The following MRPS10 variants were observed in gnomAD, a reference collection of about 807,000 sequenced individuals.
The protein encoded by MRPS10 is small ribosomal subunit protein uS10m.
A neutral mutation model predicts 27.5 loss-of-function variants in MRPS10; 23 were observed. That is an observed-to-expected ratio of 0.84 (90% confidence interval 0.60 to 1.18). The LOEUF (loss-of-function observed/expected upper bound fraction) is 1.18, where lower values mean the gene tolerates loss of function less well. Ranked by LOEUF, MRPS10 falls within the 50% of genes most tolerant of loss-of-function variation. MRPS10 has a pLI of 0.00. For synonymous variants in MRPS10, 88 were observed against 84.2 expected (o/e 1.04, Z -0.25); for missense variants, 237 against 240.1 (o/e 0.99, Z 0.09).
intron 6 of MRPS10, 92 bp downstream of exon 6, chr6:42,208,766 G>T (rs1329737659): frequency 1.1e-5 from 10 of 881,228 alleles, no homozygotes; most frequent in Admixed American, 7.6e-5. Flanking sequence ...ACTCTACTCA[G>T]TGGGCCAGGA....
At chr6:42,212,939 GA>G (rs1220165869) in intron 3 of MRPS10, among the ~76,000 whole-genome samples, 6 of 152,188 alleles carry the variant, frequency 3.9e-5, no homozygotes, top group African/African-American at 1.4e-4. Context: ...GATTTCACAA[GA>G]AAATCTGGAT....
chr6:42,214,245 T>G (rs1768858479), intron 2 of MRPS10, 35 bp downstream of exon 2: 4 of 1,609,054 alleles, frequency 2.5e-6, no homozygotes, highest in East Asian at 2.2e-5. Context: ...AAGAACCTAT[T>G]TTGTTCAATT....
chr6:42,214,056 T>A, intron 3 of MRPS10, 64 bp downstream of exon 3: 1 of 1,405,518 alleles, frequency 7.1e-7, no homozygotes, highest in Non-Finnish European at 9.8e-7. Context: ...AAAAACCCAA[T>A]GAAATAATAA....
intron 3 of MRPS10, 86 bp downstream of exon 3, chr6:42,214,034 T>C: frequency 8.7e-7 from 1 of 1,147,066 alleles, no homozygotes; most frequent in South Asian, 1.5e-5. Context: ...ATTCATAGAG[T>C]GTTTGGGGAA....
rs1201815827 is a variant in MRPS10 at position 42,207,758 on chromosome 6, G to A, written c.*531C>T. ...ATGCCATAAATGTGTTTGATCTGCT[G>A]TGAAGTATATTCAGTCTTCAAAATG... On this transcript the variant is annotated 3_prime_UTR_variant, in exon 7 of 7. Coordinates refer to ENST00000053468, the MANE Select transcript of MRPS10 (RefSeq NM_018141.4). 6.4e-6 allele frequency: 1 copy of A among 156,304 alleles called. No individual in the cohort carries two copies. The highest frequency in any genetic ancestry group is 2.4e-5 in the African/African-American group (1 of 41,488). 9.7% of individuals were successfully genotyped at this position (156,304 alleles called of 1,614,324 possible).
intron 5 of MRPS10, 68 bp from the exon 6 acceptor site, chr6:42,209,015 T>C (rs1164780217): frequency 1.9e-6 from 2 of 1,078,796 alleles, no homozygotes; most frequent in Non-Finnish European, 2.8e-6. Flanking sequence ...TGTTTTTTTT[T>C]TTGAGATGGA....
intron 5 of MRPS10, 43 bp from the exon 6 acceptor site, chr6:42,208,990 T>C (rs369087672): frequency 3.3e-5 from 43 of 1,313,096 alleles, no homozygotes; most frequent in Middle Eastern, 2.1e-4. Context: ...AGCTGTTTGT[T>C]AAAGCACGGT....
intron 3 of MRPS10, 63 bp downstream of exon 3, chr6:42,214,057 G>T: frequency 7.1e-7 from 1 of 1,408,828 alleles, no homozygotes; most frequent in Non-Finnish European, 9.7e-7. Flanking sequence ...AAAACCCAAT[G>T]AAATAATAAG....
intron 1 of MRPS10, among the ~76,000 whole-genome samples, chr6:42,217,120 T>C (rs1035085795): frequency 1.3e-5 from 2 of 152,230 alleles, no homozygotes; most frequent in Non-Finnish European, 2.9e-5. Context: ...TCAGAAAATA[T>C]ATTTTTCATA....
At position 42,214,362 on chromosome 6, in the gene MRPS10, A is replaced by G; in HGVS notation, c.49-18T>C. ...CCCAATCCCTAAAGAAAAAAAAAGT[A>G]GGACATGTGTTAGAATTAAAGTCAA... On this transcript the variant is annotated intron_variant, in intron 1 of 6. Transcript: ENST00000053468. 1 of 1,565,786 alleles carries G rather than the reference A, an allele frequency of 6.4e-7. No individual in the cohort carries two copies. Among genetic ancestry groups the G allele is most frequent in the Non-Finnish European group, 8.8e-7 (1 of 1,140,836 alleles).
intron 3 of MRPS10, among the ~76,000 whole-genome samples, chr6:42,213,592 T>C (rs775337530): frequency 2.6e-5 from 4 of 152,178 alleles, no homozygotes; most frequent in Non-Finnish European, 5.9e-5. Context: ...GGGGTTATTT[T>C]TGAGGGGTGG....
chr6:42,214,113 T>C lies in MRPS10; in HGVS notation c.186+7A>G, dbSNP rs1768853277. On this transcript the variant is annotated splice_region_variant and intron_variant, in intron 3 of 6. Transcript: ENST00000053468. ...GCTCCTTATACCAAGAAACAGGGAG[T>C]ACATACCACAGGTTTGGTCAAATCC... is the stretch of plus-strand genomic sequence containing the variant. 2 of 1,604,418 alleles carry C rather than the reference T, an allele frequency of 1.2e-6. No individual in the cohort carries two copies. Among genetic ancestry groups the C allele is most frequent in the Non-Finnish European group, 1.7e-6 (2 of 1,173,952 alleles).
At chr6:42,214,006 C>A in intron 3 of MRPS10, 114 bp downstream of exon 3, 1 of 773,720 alleles carries the variant, frequency 1.3e-6, no homozygotes, top group Non-Finnish European at 2.1e-6. Flanking sequence ...TGCCAGTATT[C>A]TAGGACAAAA....
rs761970471 is a variant in MRPS10 at position 42,214,307 on chromosome 6, T to C, written c.86A>G (p.Asn29Ser). The C allele has an allele frequency of 4.0e-5, 64 of 1,613,014 alleles. No homozygotes were observed. The highest frequency in any genetic ancestry group is 1.3e-4 in the South Asian group (12 of 90,936). The change falls in exon 2 of 7, where the codon AAT becomes AGT. Residue 29 changes from asparagine (N) to serine (S), a missense_variant. By Grantham distance (46) the Asn-to-Ser change is conservative (BLOSUM62 1). Around this residue, in one of 3 missense-constraint regions of MRPS10, gnomAD observed 164 missense variants for 137.8 expected, o/e 1.19. Transcript: ENST00000053468. ...GNFSVNTSKG[N>S]TAKNGGLLLS... ...AAGCAAGCCACCATTTTTGGCTGTATTGCCCTTAGAAGTGTTTACAGAAAA... is the reference window on the plus strand; with the variant it reads ...AAGCAAGCCACCATTTTTGGCTGTACTGCCCTTAGAAGTGTTTACAGAAAA...
At chr6:42,216,385 AGTGTGTGTGTGT>A in intron 1 of MRPS10, among the ~76,000 whole-genome samples, 1 of 58,702 alleles carries the variant, frequency 1.7e-5, no homozygotes, top group African/African-American at 4.4e-5. Flanking sequence ...AGAGAGAGAG[AGTGTGTGTGTGT>A]GTGTGTGTGT....
intron 3 of MRPS10, among the ~76,000 whole-genome samples, chr6:42,212,121 G>A (rs755392722): frequency 6.6e-6 from 1 of 152,182 alleles, no homozygotes; most frequent in Non-Finnish European, 1.5e-5. Context: ...TTAAAATACA[G>A]TGTAAATGAA....
intron 4 of MRPS10, 45 bp downstream of exon 4, chr6:42,211,736 A>G: frequency 1.3e-6 from 2 of 1,561,460 alleles, no homozygotes; most frequent in African/African-American, 1.4e-5. Flanking sequence ...CTGGTTGATC[A>G]TATTACAGCA....
chr6:42,216,928 G>A (rs940124203), intron 1 of MRPS10, among the ~76,000 whole-genome samples: 18 of 152,108 alleles, frequency 1.2e-4, no homozygotes, highest in African/African-American at 4.3e-4. Flanking sequence ...AAACCAAAAC[G>A]TCATTTACAA....
chr6:42,215,185 T>C (rs1768888219), intron 1 of MRPS10, among the ~76,000 whole-genome samples: 1 of 151,654 alleles, frequency 6.6e-6, no homozygotes, highest in Non-Finnish European at 1.5e-5. Flanking sequence ...AGTCAGGAGT[T>C]CCAGAGCAGC....
Sources: allele counts gnomAD v4.1 joint callset (sites outside exome capture counted in the v4.1 genomes callset), GRCh38; gene constraint gnomAD v4.1.1; regional missense constraint gnomAD v4.1.1; transcripts MANE v1.5; gene names NCBI Gene and HGNC (gene_info 2026-07-23, HGNC 2026-07-21).